ULK4: variants seen among roughly 807,000 people sequenced by gnomAD.
ULK4 encodes the protein unc-51 like kinase 4, also known as inactive serine/threonine-protein kinase ULK4.
ULK4 carries 133 observed loss-of-function variants against 160.6 expected under a neutral mutation model. The ratio of observed to expected loss-of-function variants is 0.83; its 90% CI spans 0.72 to 0.96. ULK4 has a LOEUF of 0.96. ULK4 is among the 40% of genes least tolerant of loss of function. The pLI is 0.00. For synonymous variants in ULK4, 534 were observed against 539.8 expected (o/e 0.99, Z 0.15); for missense variants, 1,580 against 1,499.5 (o/e 1.05, Z -0.89).
At chr3:41,877,387 G>A (rs538046819) in intron 17 of ULK4, among the ~76,000 whole-genome samples, 111 of 151,688 alleles carry the variant, frequency 7.3e-4, no homozygotes, top group African/African-American at 2.5e-3. Flanking sequence ...AGGCTGGAGC[G>A]CAGTGGTCCG....
At chr3:41,929,786 G>A (rs1219046008) in intron 5 of ULK4, among the ~76,000 whole-genome samples, 1 of 152,152 alleles carries the variant, frequency 6.6e-6, no homozygotes, top group Non-Finnish European at 1.5e-5. Flanking sequence ...TACAAGGGAT[G>A]TGAAGGACCT....
At chr3:41,249,428 G>A (rs1182710747) in intron 36 of ULK4, 61 bp downstream of exon 36, 10 of 1,484,738 alleles carry the variant, frequency 6.7e-6, no homozygotes, top group Non-Finnish European at 9.2e-6. Context: ...GTGGAGAAAG[G>A]AATGGCTGAG....
intron 4 of ULK4, among the ~76,000 whole-genome samples, chr3:41,935,209 A>ATTTTTTTTTTTTTTTTTT (rs10524611): frequency 7.4e-6 from 1 of 135,552 alleles, no homozygotes; most frequent in East Asian, 2.1e-4. Context: ...TTATTTATTT[A>ATTTTTTTTTTTTTTTTTT]TTTTTTTTTT....
intron 29 of ULK4, among the ~76,000 whole-genome samples, chr3:41,669,287 C>T (rs1163717533): frequency 6.6e-6 from 1 of 152,090 alleles, no homozygotes; most frequent in Admixed American, 6.6e-5. Context: ...CCTTTGTTGC[C>T]CAGGCTGGAG....
At chr3:41,754,319 C>A in intron 22 of ULK4, 42 bp downstream of exon 22, 2 of 1,587,518 alleles carry the variant, frequency 1.3e-6, no homozygotes, top group Non-Finnish European at 8.6e-7. Context: ...ACAACAGGCA[C>A]TAAATTGAAG....
At chr3:41,567,401 G>T (rs1249254130) in intron 31 of ULK4, among the ~76,000 whole-genome samples, 1 of 151,694 alleles carries the variant, frequency 6.6e-6, no homozygotes, top group East Asian at 1.9e-4. Context: ...TTTGAAATAG[G>T]GTGCTCAGGA....
At position 41,249,523 on chromosome 3, in the gene ULK4, G is replaced by A; in HGVS notation, c.3730C>T (p.Leu1244=). 1 of 1,614,124 alleles carries A rather than the reference G, an allele frequency of 6.2e-7. No individual in the cohort carries two copies. The highest frequency in any genetic ancestry group is 8.5e-7 in the Non-Finnish European group (1 of 1,180,002). ...GGGGCCAGCCGCTCCAGAGCCCGCAGGAGGCTGCCTGCATTCTTGAGGCTC... is the reference window on the plus strand; with the variant it reads ...GGGGCCAGCCGCTCCAGAGCCCGCAAGAGGCTGCCTGCATTCTTGAGGCTC... ...LESLKNAGSL[L]RALERLAPGS... The change falls in exon 36 of 37, where the codon CTG becomes TTG. Residue 1244 remains leucine (L), a synonymous_variant. Coordinates refer to ENST00000301831, the MANE Select transcript of ULK4 (RefSeq NM_017886.4).
chr3:41,901,760 G>A (rs1348030810), intron 12 of ULK4, among the ~76,000 whole-genome samples: 3 of 152,014 alleles, frequency 2.0e-5, no homozygotes, highest in Non-Finnish European at 2.9e-5. Context: ...GATTATAGGC[G>A]TGAGCCACGC....
At chr3:41,686,287 A>G (rs538781671) in intron 27 of ULK4, among the ~76,000 whole-genome samples, 92 of 152,360 alleles carry the variant, frequency 6.0e-4, no homozygotes, top group African/African-American at 2.0e-3. Context: ...AAATATGTAT[A>G]TACACAAATA....
intron 32 of ULK4, among the ~76,000 whole-genome samples, chr3:41,487,115 A>G (rs566513380): frequency 6.6e-6 from 1 of 152,316 alleles, no homozygotes; most frequent in African/African-American, 2.4e-5. Context: ...TCATAACTAA[A>G]CTACAACTTA....
At chr3:41,266,299 G>A (rs369842399) in intron 35 of ULK4, among the ~76,000 whole-genome samples, 115 of 152,322 alleles carry the variant, frequency 7.5e-4, no homozygotes, top group South Asian at 3.1e-3. Context: ...GCAACCCTGG[G>A]CACTTGAACA....
chr3:41,535,023 T>C (rs2086450841), intron 32 of ULK4, among the ~76,000 whole-genome samples: 2 of 152,308 alleles, frequency 1.3e-5, no homozygotes, highest in African/African-American at 4.8e-5. Context: ...CGTAAGTTAA[T>C]TGGTTAAGTC....
chr3:41,453,468 C>A (rs1483461197), intron 34 of ULK4, among the ~76,000 whole-genome samples: 1 of 152,228 alleles, frequency 6.6e-6, no homozygotes, highest in Non-Finnish European at 1.5e-5. Context: ...TGAGCCACCA[C>A]ACCTGGCCTG....
intron 32 of ULK4, 23 bp downstream of exon 32, chr3:41,566,002 G>C (rs1453252590): frequency 6.3e-7 from 1 of 1,586,678 alleles, no homozygotes; most frequent in Non-Finnish European, 8.6e-7. Context: ...CTTGATCAGA[G>C]AGTAATTCTA....
chr3:41,700,386 AGAG>A (rs1460484711), intron 27 of ULK4, among the ~76,000 whole-genome samples: 1 of 152,178 alleles, frequency 6.6e-6, no homozygotes, highest in Non-Finnish European at 1.5e-5. Context: ...GCACCTGAAG[AGAG>A]GAGATTATAC....
At chr3:41,403,372 T>A (rs924852246) in intron 34 of ULK4, among the ~76,000 whole-genome samples, 4 of 152,180 alleles carry the variant, frequency 2.6e-5, no homozygotes, top group African/African-American at 9.6e-5. Context: ...GTTACAGAAT[T>A]TATGAACATA....
chr3:41,907,873 G>C lies in ULK4; in HGVS notation c.1154C>G (p.Ser385Ter). Reference sequence around the variant, plus strand: ...GGTCAGAGGAGAAGTCTTCTGTGGTGAACAGTGAGTCATATCCTCACCAGG... The same window carrying C: ...GGTCAGAGGAGAAGTCTTCTGTGGTCAACAGTGAGTCATATCCTCACCAGG... ...VSPGEDMTHCSPQKTSPLTKI... is the reference protein window; with the variant it reads ...VSPGEDMTHC The change falls in exon 12 of 37, where the codon TCA (serine) becomes TGA (stop). Residue 385 changes from serine to a stop codon, truncating the protein, a stop_gained. Transcript: ENST00000301831. LOFTEE classifies it high-confidence loss of function. 1 of 1,600,824 alleles carries C rather than the reference G, an allele frequency of 6.2e-7. No individual in the cohort carries two copies. Among genetic ancestry groups the C allele is most frequent in the Non-Finnish European group, 8.5e-7 (1 of 1,174,420 alleles).
Position 41,506,767 on chromosome 3 carries a change from A to AAAAAAAAAATATATATATATAAAT in ULK4, c.3227-43515_3227-43514insATTTATATATATATATTTTTTTTT. On this transcript the variant is annotated intron_variant, in intron 32 of 36. Transcript: ENST00000301831. ...AGCAATACACTGGAGTGTGATTTAA[A>AAAAAAAAAATATATATATATAAAT]ATATATATATATATATATATATATA... Among the ~76,000 whole-genome samples the AAAAAAAAAATATATATATATAAAT allele has an allele frequency of 1.9e-4, 11 of 56,766 alleles. 1 individual carries two copies. The highest frequency in any genetic ancestry group is 2.5e-4 in the African/African-American group (3 of 12,210). 37.2% of individuals were successfully genotyped at this position (56,766 alleles called of 152,430 possible). A position where few individuals can be genotyped will look rare whatever the true frequency, so the allele number is the denominator to read the frequency against.
In ULK4 at chr3:41,773,555, C is replaced by T. The variant is rs562698454; in HGVS notation, c.2193+16106G>A. On this transcript the variant is annotated intron_variant, in intron 21 of 36. Coordinates refer to ENST00000301831, the MANE Select transcript of ULK4 (RefSeq NM_017886.4). ...CTTCAAGGAGAACTACAAACCACTG[C>T]TCAATGAAATTAAAGAGGATACAAA... Among the ~76,000 whole-genome samples, 150 of 152,204 alleles carry T rather than the reference C, an allele frequency of 9.9e-4. 1 individual carries two copies. Among genetic ancestry groups the T allele is most frequent in the African/African-American group, 3.4e-3 (143 of 41,520 alleles).
Sources: gnomAD v4.1 joint callset for allele counts (sites outside exome capture counted in the v4.1 genomes callset) on GRCh38, gnomAD v4.1.1 for gene constraint, MANE v1.5 for transcripts, NCBI Gene and HGNC (gene_info 2026-07-23, HGNC 2026-07-21) for gene names.